The following NALCN variants were observed in gnomAD, a reference collection of about 807,000 sequenced individuals.
NALCN encodes sodium leak channel, non-selective, also known as sodium leak channel NALCN.
NALCN carries 111 observed loss-of-function variants against 225.3 expected under a neutral mutation model. The observed-to-expected ratio is 0.49, with a 90% CI of 0.42 to 0.58. The LOEUF (loss-of-function observed/expected upper bound fraction) is 0.58. Ranked by LOEUF, NALCN falls within the 20% of genes least tolerant of loss-of-function variation. The pLI is 0.00. For synonymous variants in NALCN, 764 were observed against 769.0 expected (o/e 0.99, Z 0.11); for missense variants, 1,378 against 2,202.4 (o/e 0.63, Z 7.49).
intron 17 of NALCN, among the ~76,000 whole-genome samples, chr13:101,141,236 G>A (rs1266576075): frequency 6.6e-6 from 1 of 152,100 alleles, no homozygotes; most frequent in Non-Finnish European, 1.5e-5. Flanking sequence ...AAAGACTCTA[G>A]TTGGAGCAGT....
intron 1 of NALCN, among the ~76,000 whole-genome samples, chr13:101,400,566 T>TGCGC (rs2047441197): frequency 7.6e-6 from 1 of 130,800 alleles, no homozygotes; most frequent in Non-Finnish European, 1.6e-5. Flanking sequence ...TGTGTGTGTG[T>TGCGC]GTGTGTGTGT....
intron 18 of NALCN, among the ~76,000 whole-genome samples, chr13:101,121,255 C>A (rs571029603): frequency 2.0e-5 from 3 of 152,212 alleles, no homozygotes; most frequent in Admixed American, 1.3e-4. Context: ...GACAAGAGAG[C>A]TGAGAATTGA....
At chr13:101,086,424 T>C (rs1396625552) in intron 30 of NALCN, among the ~76,000 whole-genome samples, 1 of 152,052 alleles carries the variant, frequency 6.6e-6, no homozygotes, top group Admixed American at 6.5e-5. Context: ...TCTATTATAA[T>C]TTCTTCAACT....
intron 3 of NALCN, 140 bp from the exon 4 acceptor site, chr13:101,378,793 T>G: frequency 1.8e-6 from 1 of 554,906 alleles, no homozygotes; most frequent in Non-Finnish European, 2.9e-6. Context: ...TCACAAGGAA[T>G]AAGTTTAGCA....
intron 7 of NALCN, among the ~76,000 whole-genome samples, chr13:101,304,211 G>A (rs1016207359): frequency 6.6e-6 from 1 of 151,928 alleles, no homozygotes; most frequent in Non-Finnish European, 1.5e-5. Context: ...TTAATTTTAA[G>A]TACACTTATT....
At chr13:101,208,370 A>T (rs1477919603) in intron 13 of NALCN, among the ~76,000 whole-genome samples, 2 of 151,768 alleles carry the variant, frequency 1.3e-5, no homozygotes, top group African/African-American at 2.4e-5. Context: ...CAAACTCTAG[A>T]CACACCATCT....
intron 11 of NALCN, among the ~76,000 whole-genome samples, chr13:101,243,721 C>A (rs1318712540): frequency 1.9e-5 from 2 of 104,146 alleles, no homozygotes; most frequent in African/African-American, 6.9e-5. Flanking sequence ...TGAGTGGAGT[C>A]ATTTATTGAC....
At chr13:101,338,778 G>A (rs1194382594) in intron 7 of NALCN, among the ~76,000 whole-genome samples, 1 of 152,188 alleles carries the variant, frequency 6.6e-6, no homozygotes, top group African/African-American at 2.4e-5. Context: ...ATAAAACTAA[G>A]CTTTGCAAAT....
chr13:101,281,914 G>A (rs535776674), intron 10 of NALCN, among the ~76,000 whole-genome samples: 5 of 152,134 alleles, frequency 3.3e-5, no homozygotes, highest in South Asian at 2.1e-4. Flanking sequence ...AAGTGCATAC[G>A]ATCCCTAATT....
chr13:101,217,659 T>G (rs1216450687), intron 13 of NALCN, among the ~76,000 whole-genome samples: 1 of 152,156 alleles, frequency 6.6e-6, no homozygotes, highest in East Asian at 1.9e-4. Flanking sequence ...GCACATGCTC[T>G]CAACCTCAAG....
At chr13:101,346,814 C>G (rs1420822822) in intron 6 of NALCN, among the ~76,000 whole-genome samples, 2 of 152,084 alleles carry the variant, frequency 1.3e-5, no homozygotes, top group African/African-American at 2.4e-5. Flanking sequence ...TCTGAGGTAT[C>G]CCACACAGAT....
chr13:101,281,321 T>C (rs2043160823), intron 10 of NALCN, among the ~76,000 whole-genome samples: 1 of 152,204 alleles, frequency 6.6e-6, no homozygotes. Flanking sequence ...CTCTCAAGCA[T>C]ACTGTAAGCT....
chr13:101,410,818 C>T (rs1017075700), intron 1 of NALCN, among the ~76,000 whole-genome samples: 8 of 152,174 alleles, frequency 5.3e-5, no homozygotes, highest in Non-Finnish European at 1.0e-4. Context: ...TAATAGAATA[C>T]AATAGCACAA....
intron 6 of NALCN, among the ~76,000 whole-genome samples, chr13:101,360,257 G>A (rs2046215405): frequency 7.8e-6 from 1 of 128,612 alleles, no homozygotes; most frequent in African/African-American, 2.9e-5. Flanking sequence ...CTTCGATGGA[G>A]TTTCACTCTG....
At chr13:101,291,954 C>T (rs755193354) in intron 9 of NALCN, 36 bp downstream of exon 9, 7 of 1,603,924 alleles carry the variant, frequency 4.4e-6, no homozygotes, top group African/African-American at 2.7e-5. Context: ...TGTGCATGCT[C>T]GAATGGGTTA....
intron 7 of NALCN, among the ~76,000 whole-genome samples, chr13:101,319,797 G>C (rs1243973778): frequency 6.6e-6 from 1 of 150,466 alleles, no homozygotes; most frequent in Non-Finnish European, 1.5e-5. Flanking sequence ...CTCATATCAG[G>C]AAATATATCA....
chr13:101,113,586 T>C (rs1367142627), intron 18 of NALCN, among the ~76,000 whole-genome samples: 1 of 152,218 alleles, frequency 6.6e-6, no homozygotes, highest in Non-Finnish European at 1.5e-5. Flanking sequence ...AAGTTTGCTT[T>C]ATTATTTTTT....
At chr13:101,114,124 G>A (rs2035582095) in intron 18 of NALCN, among the ~76,000 whole-genome samples, 1 of 152,162 alleles carries the variant, frequency 6.6e-6, no homozygotes, top group African/African-American at 2.4e-5. Flanking sequence ...TAATGGAGAA[G>A]ATGAGTTGAG....
At chr13:101,281,738 A>T (rs779923458) in intron 10 of NALCN, among the ~76,000 whole-genome samples, 32 of 152,224 alleles carry the variant, frequency 2.1e-4, no homozygotes, top group South Asian at 4.1e-4. Context: ...TGAAAAGGAG[A>T]TAATATTCAA....
Sources: gnomAD v4.1 joint callset for allele counts (sites outside exome capture counted in the v4.1 genomes callset) on GRCh38, gnomAD v4.1.1 for gene constraint, MANE v1.5 for transcripts, NCBI Gene and HGNC (gene_info 2026-07-23, HGNC 2026-07-21) for gene names.